KTN1: variants seen among roughly 807,000 people sequenced by gnomAD.
KTN1 encodes kinectin 1.
Under a neutral mutation model 222.5 loss-of-function variants are expected in KTN1, and 130 were observed. The observed-to-expected ratio is 0.58, with a 90% CI of 0.51 to 0.68. KTN1 has a LOEUF of 0.68. Among genes scored for constraint, KTN1 ranks in the 30% least tolerant of loss-of-function variants. The pLI, the probability that KTN1 is intolerant of heterozygous loss-of-function variation, is 0.00. For synonymous variants in KTN1, 512 were observed against 496.3 expected, an observed-to-expected ratio of 1.03 and a Z score of -0.42; for missense variants, 1,508 against 1,500.4, an observed-to-expected ratio of 1.01 and a Z score of -0.08.
intron 14 of KTN1, 61 bp downstream of exon 14, chr14:55,640,064 A>G: frequency 1.0e-6 from 1 of 971,132 alleles, no homozygotes; most frequent in Non-Finnish European, 1.6e-6. Flanking sequence ...AATTACTTTG[A>G]TGCACATAAT....
intron 35 of KTN1, 151 bp downstream of exon 35, chr14:55,670,960 T>G (rs1324927103): frequency 1.9e-6 from 1 of 523,604 alleles, no homozygotes; most frequent in Non-Finnish European, 3.4e-6. Context: ...GTTTAAATTT[T>G]AGTTGAAATA....
chr14:55,603,294 A>G (rs2036245840), intron 1 of KTN1, among the ~76,000 whole-genome samples: 1 of 152,174 alleles, frequency 6.6e-6, no homozygotes, highest in African/African-American at 2.4e-5. Flanking sequence ...AAGCTGCTTC[A>G]AAGAGTTGTC....
At chr14:55,677,137 T>C (rs2045945464) in intron 41 of KTN1, among the ~76,000 whole-genome samples, 2 of 152,274 alleles carry the variant, frequency 1.3e-5, no homozygotes, top group Middle Eastern at 3.4e-3. Flanking sequence ...AGTAGAAATA[T>C]TGTGCAACAT....
intron 9 of KTN1, 27 bp downstream of exon 9, chr14:55,634,685 A>G (rs745495180): frequency 1.3e-6 from 2 of 1,593,516 alleles, no homozygotes; most frequent in East Asian, 4.5e-5. Flanking sequence ...TTTATTTGTC[A>G]TTTCATGAAT....
intron 1 of KTN1, among the ~76,000 whole-genome samples, chr14:55,595,127 T>C (rs1363117996): frequency 6.6e-6 from 1 of 152,212 alleles, no homozygotes; most frequent in East Asian, 1.9e-4. Flanking sequence ...ACGAAGCATA[T>C]CTAGGTTCAT....
At chr14:55,655,088 A>G (rs1195266907) in intron 28 of KTN1, among the ~76,000 whole-genome samples, 1 of 152,050 alleles carries the variant, frequency 6.6e-6, no homozygotes, top group Non-Finnish European at 1.5e-5. Context: ...TCCTGGGCTC[A>G]AGCGATCCTC....
intron 1 of KTN1, among the ~76,000 whole-genome samples, chr14:55,586,605 T>C (rs1177789258): frequency 6.6e-6 from 1 of 152,166 alleles, no homozygotes; most frequent in Non-Finnish European, 1.5e-5. Context: ...GAATGCTTTC[T>C]GAAGAAAACA....
At chr14:55,613,518 G>C (rs1207236645) in intron 2 of KTN1, among the ~76,000 whole-genome samples, 1 of 147,724 alleles carries the variant, frequency 6.8e-6, no homozygotes, top group Admixed American at 6.7e-5. Flanking sequence ...TTTGAGATGG[G>C]AGTCTCACAC....
chr14:55,671,313 G>T (rs927399589), intron 35 of KTN1: 8 of 452,592 alleles, frequency 1.8e-5, no homozygotes, highest in African/African-American at 1.6e-4. Context: ...TTCACATGTG[G>T]GTCTGCTTTG....
At chr14:55,584,224 G>C (rs28373835) in intron 1 of KTN1, among the ~76,000 whole-genome samples, 1 of 151,094 alleles carries the variant, frequency 6.6e-6, no homozygotes, top group Non-Finnish European at 1.5e-5. Flanking sequence ...TTACCTCTAA[G>C]GTTAGCTACT....
chr14:55,652,393 CTTTTTTTT>C (rs769501863), intron 25 of KTN1, among the ~76,000 whole-genome samples: 2,580 of 117,408 alleles, frequency 0.022, 64 homozygotes, highest in African/African-American at 0.08. Context: ...TCTTAAATGC[CTTTTTTTT>C]TTTTTTTTTT....
chr14:55,665,182 A>G (rs2044583696), intron 33 of KTN1, among the ~76,000 whole-genome samples: 1 of 151,964 alleles, frequency 6.6e-6, no homozygotes, highest in African/African-American at 2.4e-5. Flanking sequence ...TTATTATTTC[A>G]CTGGGAGTAG....
At chr14:55,680,611 G>T in intron 43 of KTN1, 1 of 785,080 alleles carries the variant, frequency 1.3e-6, no homozygotes, top group Non-Finnish European at 2.0e-6. Context: ...AGGCCTCAGG[G>T]AGAGCTTAGG....
chr14:55,648,200 A>G (rs2042589954), intron 20 of KTN1, 85 bp downstream of exon 20: 1 of 632,946 alleles, frequency 1.6e-6, no homozygotes, highest in Non-Finnish European at 2.7e-6. Flanking sequence ...GGTTTTTCCC[A>G]TAGATCTTAA....
At chr14:55,679,797 T>A (rs754916860) in intron 43 of KTN1, 112 bp downstream of exon 43, 308 of 1,114,050 alleles carry the variant, frequency 2.8e-4, no homozygotes, top group Non-Finnish European at 3.8e-4. Context: ...CTTCTTTATC[T>A]CTCAGAACTT....
At chr14:55,637,054 A>G (rs1422777037) in intron 10 of KTN1, 144 bp from the exon 11 acceptor site, 3 of 551,256 alleles carry the variant, frequency 5.4e-6, no homozygotes, top group Non-Finnish European at 9.7e-6. Context: ...AAACGCAAGT[A>G]TAGCCTGCTA....
chr14:55,590,519 T>A (rs1312021710), intron 1 of KTN1, among the ~76,000 whole-genome samples: 1 of 152,188 alleles, frequency 6.6e-6, no homozygotes, highest in Non-Finnish European at 1.5e-5. Context: ...TCCCACACTC[T>A]AACCACTACC....
At chr14:55,634,742 C>G in intron 9 of KTN1, 84 bp downstream of exon 9, 2 of 1,148,140 alleles carry the variant, frequency 1.7e-6, no homozygotes, top group Non-Finnish European at 2.4e-6. Flanking sequence ...AAGAACTGCC[C>G]GAGACTGGGT....
chr14:55,648,025 C>T lies in KTN1; in HGVS notation c.2208C>T (p.Cys736=). The change falls in exon 20 of 44, where the codon TGC becomes TGT. Residue 736 remains cysteine, a splice_region_variant and synonymous_variant. Transcript: ENST00000395314. ...NKDVVEQMEK[C]IQEKDEKLKT... ...ATGTGTTACAAATTTATAATTTCAG[C>T]ATTCAAGAAAAAGATGAGAAGTTAA... 4 of 1,384,192 alleles carry T rather than the reference C, an allele frequency of 2.9e-6. No homozygotes were observed. The highest frequency in any genetic ancestry group is 1.5e-5 in the African/African-American group (1 of 67,414). 85.7% of individuals were successfully genotyped at this position (1,384,192 alleles called of 1,614,324 possible).
Sources: gnomAD v4.1 joint callset for allele counts (sites outside exome capture counted in the v4.1 genomes callset) on GRCh38, gnomAD v4.1.1 for gene constraint, MANE v1.5 for transcripts, NCBI Gene and HGNC (gene_info 2026-07-23, HGNC 2026-07-21) for gene names.